ZFHX3: variants seen among roughly 807,000 people sequenced by gnomAD.
ZFHX3 encodes the protein zinc finger homeobox 3, also known as zinc finger homeobox protein 3.
Under a neutral mutation model 279.1 loss-of-function variants are expected in ZFHX3, and 42 were observed. The ratio of observed to expected loss-of-function variants is 0.15; its 90% CI spans 0.12 to 0.19. ZFHX3 has a LOEUF of 0.19. Ranked by LOEUF, ZFHX3 falls within the 10% of genes least tolerant of loss-of-function variation. The pLI, the probability that ZFHX3 is intolerant of heterozygous loss-of-function variation, is 1.00. For synonymous variants in ZFHX3, 2,293 were observed against 1,957.8 expected (o/e 1.17, Z -4.52); for missense variants, 4,981 against 4,754.0 (o/e 1.05, Z -1.40).
At chr16:73,797,216 A>AAACAAC (rs368442624) in intron 1 of ZFHX3, among the ~76,000 whole-genome samples, 5 of 150,962 alleles carry the variant, frequency 3.3e-5, no homozygotes, top group African/African-American at 9.9e-5. Flanking sequence ...AAAAACAAAC[A>AAACAAC]AACAACAACA....
intron 1 of ZFHX3, among the ~76,000 whole-genome samples, chr16:73,690,302 G>A (rs1000500663): frequency 2.6e-5 from 4 of 152,134 alleles, no homozygotes; most frequent in Non-Finnish European, 4.4e-5. Flanking sequence ...ATCCATGTAC[G>A]GGGCCTATGC....
intron 1 of ZFHX3, among the ~76,000 whole-genome samples, chr16:73,057,856 C>G (rs1965593330): frequency 6.7e-6 from 1 of 150,102 alleles, no homozygotes; most frequent in South Asian, 2.1e-4. Context: ...GGCGCTCGCC[C>G]GGCCAGCGGT....
chr16:72,828,858 A>C (rs1346227478), intron 5 of ZFHX3, among the ~76,000 whole-genome samples: 2 of 151,398 alleles, frequency 1.3e-5, no homozygotes, highest in Admixed American at 1.3e-4. Flanking sequence ...GTGCACCACA[A>C]TGCCTAATTT....
intron 2 of ZFHX3, among the ~76,000 whole-genome samples, chr16:73,523,297 T>C (rs1028532123): frequency 3.3e-5 from 5 of 152,216 alleles, no homozygotes; most frequent in African/African-American, 1.2e-4. Flanking sequence ...TACAATGAGA[T>C]CTCTTCCCAC....
intron 5 of ZFHX3, among the ~76,000 whole-genome samples, chr16:73,153,794 C>G (rs549492526): frequency 6.6e-6 from 1 of 151,970 alleles, no homozygotes; most frequent in East Asian, 1.9e-4. Context: ...GGACTAAAGG[C>G]GCACACCACT....
At chr16:73,247,609 T>C (rs867182061) in intron 5 of ZFHX3, among the ~76,000 whole-genome samples, 5 of 151,822 alleles carry the variant, frequency 3.3e-5, no homozygotes, top group Non-Finnish European at 4.4e-5. Context: ...TCTGTGTATA[T>C]GTACCTGTAT....
chr16:73,556,833 T>G (rs986905291), intron 2 of ZFHX3, among the ~76,000 whole-genome samples: 1 of 151,792 alleles, frequency 6.6e-6, no homozygotes, highest in South Asian at 2.1e-4. Flanking sequence ...CGGTGGCTCA[T>G]GCCTGTAATC....
chr16:73,795,642 G>A (rs1205039667), intron 1 of ZFHX3, among the ~76,000 whole-genome samples: 1 of 152,122 alleles, frequency 6.6e-6, no homozygotes, highest in Non-Finnish European at 1.5e-5. Flanking sequence ...ACAGAATCAT[G>A]AAGAACAACG....
At position 72,958,457 on chromosome 16, in the gene ZFHX3, A is replaced by G; in HGVS notation, c.1689T>C (p.Gly563=). Residue 563 remains glycine (G), a synonymous_variant, in exon 2 of 10, where the codon GGT becomes GGC. Transcript: ENST00000268489. ...AGCTTAAACGATTCCTCCTGTTCGC[A>G]CCATCAAAGACAACAAAGGAAGAAG... ...NSASSFVVFD[G]ANRRNRLSFN... is the part of the protein sequence containing the mutation. 6.2e-7 allele frequency: 1 copy of G among 1,614,164 alleles called. No homozygotes were observed. Among genetic ancestry groups the G allele is most frequent in the Non-Finnish European group, 8.5e-7 (1 of 1,180,034 alleles).
intron 1 of ZFHX3, among the ~76,000 whole-genome samples, chr16:73,815,130 C>A (rs541226488): frequency 2.6e-5 from 4 of 152,320 alleles, no homozygotes; most frequent in East Asian, 1.9e-4. Context: ...ACGCACTCAA[C>A]AAGTAGTAGA....
At position 73,704,381 on chromosome 16, in the gene ZFHX3, A is replaced by T. The variant is rs537271786; in HGVS notation, c.-1607-24141T>A. Among the ~76,000 whole-genome samples the T allele has an allele frequency of 2.6e-5, 4 of 152,282 alleles. No individual in the cohort carries two copies. The East Asian group carries it at 7.7e-4, about 29-fold the overall frequency. On this transcript the variant is annotated intron_variant, in intron 1 of 17. Transcript: ENST00000641206. ...AAATTGCTCTTACAGAGCACCTCAA[A>T]CACAGAAGAAAGAAAATGCAAGATT... is the stretch of plus-strand genomic sequence containing the variant.
chr16:72,894,919 T>C (rs1461794384), intron 3 of ZFHX3, among the ~76,000 whole-genome samples: 1 of 152,234 alleles, frequency 6.6e-6, no homozygotes, highest in Non-Finnish European at 1.5e-5. Flanking sequence ...TTTTCTTTAC[T>C]CTGTGCTCAC....
intron 1 of ZFHX3, among the ~76,000 whole-genome samples, chr16:73,032,079 G>A (rs778402307): frequency 3.7e-4 from 57 of 152,108 alleles, no homozygotes; most frequent in Non-Finnish European, 5.9e-4. Context: ...AGTGGCTCAC[G>A]CCTGTAATTG....
chr16:73,346,657 A>G (rs892219537), intron 3 of ZFHX3, among the ~76,000 whole-genome samples: 1 of 152,092 alleles, frequency 6.6e-6, no homozygotes, highest in African/African-American at 2.4e-5. Context: ...TTTTTTGTAG[A>G]GATGGGGTTT....
At chr16:73,774,228 G>C (rs1268807240) in intron 1 of ZFHX3, among the ~76,000 whole-genome samples, 1 of 151,916 alleles carries the variant, frequency 6.6e-6, no homozygotes, top group African/African-American at 2.4e-5. Flanking sequence ...ATTCATTTTT[G>C]TAATGGGTAA....
intron 1 of ZFHX3, among the ~76,000 whole-genome samples, chr16:73,751,763 A>T (rs2053764394): frequency 6.6e-6 from 1 of 152,166 alleles, no homozygotes; most frequent in Non-Finnish European, 1.5e-5. Context: ...CCACAACCTC[A>T]ACTCCAAATG....
At chr16:73,558,480 C>T (rs564689356) in intron 2 of ZFHX3, 1 of 152,178 alleles carries the variant, frequency 6.6e-6, no homozygotes, top group Admixed American at 6.6e-5. Context: ...TCTGTTTCTA[C>T]CACCACGCCT....
intron 7 of ZFHX3, among the ~76,000 whole-genome samples, chr16:73,116,301 T>A (rs1966432950): frequency 6.6e-6 from 1 of 152,084 alleles, no homozygotes. Context: ...AAATTCTGAC[T>A]ACCTCATTAA....
chr16:73,586,452 T>TAA (rs61575907), intron 2 of ZFHX3, among the ~76,000 whole-genome samples: 11 of 128,712 alleles, frequency 8.5e-5, no homozygotes, highest in African/African-American at 3.0e-4. Context: ...AAGTTGGAGG[T>TAA]AAAAAAAAAA....
Sources: allele counts gnomAD v4.1 joint callset (sites outside exome capture counted in the v4.1 genomes callset), GRCh38; gene constraint gnomAD v4.1.1; transcripts MANE v1.5; gene names NCBI Gene and HGNC (gene_info 2026-07-23, HGNC 2026-07-21).